Variants in CCSER1 observed in about 807,000 individuals in gnomAD.
CCSER1 encodes serine-rich coiled-coil domain-containing protein 1.
In CCSER1, 41 loss-of-function variants were observed where a neutral mutation model predicts 82.0. That is an observed-to-expected ratio of 0.50 (90% CI 0.39 to 0.65). The LOEUF is 0.65. CCSER1 is among the 30% of genes least tolerant of loss of function. CCSER1 has a pLI of 0.00. For synonymous variants in CCSER1, 414 were observed against 383.9 expected (o/e 1.08, Z -0.92); for missense variants, 1,119 against 1,064.2 (o/e 1.05, Z -0.72).
intron 6 of CCSER1, among the ~76,000 whole-genome samples, chr4:90,652,532 G>A (rs965347317): frequency 1.3e-5 from 2 of 151,960 alleles, no homozygotes; most frequent in Non-Finnish European, 2.9e-5. Flanking sequence ...GAAGCCTTAG[G>A]GTGTCTCTGA....
At chr4:90,643,825 A>G (rs549223586) in intron 6 of CCSER1, among the ~76,000 whole-genome samples, 3 of 152,266 alleles carry the variant, frequency 2.0e-5, no homozygotes, top group African/African-American at 7.2e-5. Context: ...TAAAAAAATC[A>G]TATAAATGTT....
At chr4:90,692,378 C>G (rs906624091) in intron 6 of CCSER1, among the ~76,000 whole-genome samples, 8 of 151,782 alleles carry the variant, frequency 5.3e-5, no homozygotes, top group African/African-American at 1.9e-4. Context: ...AATCCAAGAG[C>G]CCGTTTCACC....
intron 9 of CCSER1, among the ~76,000 whole-genome samples, chr4:90,988,514 A>C (rs1414282146): frequency 6.6e-6 from 1 of 151,636 alleles, no homozygotes; most frequent in Non-Finnish European, 1.5e-5. Context: ...TGATTCCATT[A>C]AATCAAGCCA....
At chr4:90,721,724 T>G (rs1742716081) in intron 6 of CCSER1, among the ~76,000 whole-genome samples, 1 of 151,662 alleles carries the variant, frequency 6.6e-6, no homozygotes, top group African/African-American at 2.4e-5. Context: ...TACTATTTGA[T>G]CTAAAAGAAT....
At chr4:91,350,786 T>C (rs972567702) in intron 10 of CCSER1, among the ~76,000 whole-genome samples, 1 of 152,006 alleles carries the variant, frequency 6.6e-6, no homozygotes, top group African/African-American at 2.4e-5. Context: ...ATTACTGTCA[T>C]TTTTATATTT....
intron 10 of CCSER1, among the ~76,000 whole-genome samples, chr4:91,161,305 G>A (rs966127415): frequency 6.6e-6 from 1 of 152,272 alleles, no homozygotes; most frequent in African/African-American, 2.4e-5. Context: ...GATTACTGTA[G>A]CCTTGTAGTA....
intron 5 of CCSER1, among the ~76,000 whole-genome samples, chr4:90,529,104 C>G (rs755111277): frequency 1.3e-5 from 2 of 151,966 alleles, no homozygotes; most frequent in Non-Finnish European, 2.9e-5. Flanking sequence ...GATGAGAAAA[C>G]AGAAATAATA....
At chr4:90,781,135 C>A in intron 7 of CCSER1, 1 of 288,700 alleles carries the variant, frequency 3.5e-6, no homozygotes, top group East Asian at 1.7e-4. Context: ...AGGGATCCAC[C>A]CTCATGATTC....
chr4:91,583,679 C>G (rs1763846281), intron 10 of CCSER1, among the ~76,000 whole-genome samples: 1 of 151,380 alleles, frequency 6.6e-6, no homozygotes, highest in Non-Finnish European at 1.5e-5. Context: ...TTGCCTTCTT[C>G]TTGTGCATTA....
At chr4:91,564,324 T>C (rs561167315) in intron 10 of CCSER1, among the ~76,000 whole-genome samples, 1 of 152,152 alleles carries the variant, frequency 6.6e-6, no homozygotes, top group Non-Finnish European at 1.5e-5. Flanking sequence ...TTCCATGTCT[T>C]TGGTATTGTG....
intron 6 of CCSER1, among the ~76,000 whole-genome samples, chr4:90,648,928 G>C (rs1728215661): frequency 1.3e-5 from 2 of 152,192 alleles, no homozygotes; most frequent in African/African-American, 4.8e-5. Flanking sequence ...AACCAAGAGA[G>C]TAACACGGTC....
chr4:90,241,665 G>A (rs1746865304), intron 1 of CCSER1, among the ~76,000 whole-genome samples: 1 of 151,488 alleles, frequency 6.6e-6, no homozygotes, highest in Non-Finnish European at 1.5e-5. Context: ...TTTTTCTTTA[G>A]GGAAAAGAAG....
rs559034782 is a variant in CCSER1 at position 91,104,129 on chromosome 4, T to C, written c.2217+18135T>C. ...CTGCCCTGGTAATTTTGTGGTCAGA[T>C]CGGTTCTCTGCACTTGAACCCTGTT... On this transcript the variant is annotated intron_variant, in intron 10 of 10. Coordinates refer to ENST00000509176, the MANE Select transcript of CCSER1 (RefSeq NM_001145065.2). 1.1e-3 allele frequency among the ~76,000 whole-genome samples: 166 copies of C among 152,300 alleles called. 2 individuals carry two copies. Among genetic ancestry groups the C allele is most frequent in the African/African-American group, 3.8e-3 (158 of 41,580 alleles).
At chr4:90,787,667 T>C (rs943607406) in intron 7 of CCSER1, among the ~76,000 whole-genome samples, 1 of 152,218 alleles carries the variant, frequency 6.6e-6, no homozygotes, top group Non-Finnish European at 1.5e-5. Context: ...GAGGTGATAC[T>C]TCTCTTACAA....
chr4:91,034,139 C>T (rs1741230927), intron 9 of CCSER1, among the ~76,000 whole-genome samples: 1 of 152,162 alleles, frequency 6.6e-6, no homozygotes, highest in African/African-American at 2.4e-5. Context: ...GTAGTCTCTG[C>T]AGAATTTCTG....
chr4:91,314,626 C>G (rs1366523675), intron 10 of CCSER1, among the ~76,000 whole-genome samples: 1 of 151,948 alleles, frequency 6.6e-6, no homozygotes, highest in South Asian at 2.1e-4. Flanking sequence ...TACTAACATA[C>G]TAACAAAAGC....
chr4:90,922,152 A>G (rs1320190409), intron 8 of CCSER1, among the ~76,000 whole-genome samples: 1 of 152,102 alleles, frequency 6.6e-6, no homozygotes, highest in Non-Finnish European at 1.5e-5. Context: ...TTAATAGAAC[A>G]TAAAATATTT....
At chr4:90,858,530 A>G (rs963627842) in intron 8 of CCSER1, among the ~76,000 whole-genome samples, 10 of 151,974 alleles carry the variant, frequency 6.6e-5, no homozygotes, top group Admixed American at 3.9e-4. Flanking sequence ...GAATCTAAAT[A>G]CATTTGATTT....
At chr4:90,186,683 TAGCCTATGAATCTCTAA>T in intron 1 of CCSER1, among the ~76,000 whole-genome samples, 1 of 152,006 alleles carries the variant, frequency 6.6e-6, no homozygotes, top group African/African-American at 2.4e-5. Flanking sequence ...GTACCTCCTT[TAGCCTATGAATCTCTAA>T]TTTGTCTTTA....
Sources: allele counts gnomAD v4.1 joint callset (sites outside exome capture counted in the v4.1 genomes callset), GRCh38; gene constraint gnomAD v4.1.1; transcripts MANE v1.5; gene names NCBI Gene and HGNC (gene_info 2026-07-23, HGNC 2026-07-21).